TRPM6: variants seen among roughly 807,000 people sequenced by gnomAD.
TRPM6 encodes the protein transient receptor potential cation channel subfamily M member 6.
TRPM6 carries 111 observed loss-of-function variants against 247.6 expected under a neutral mutation model. That is an observed-to-expected ratio of 0.45 (90% CI 0.38 to 0.52). The LOEUF (loss-of-function observed/expected upper bound fraction) is 0.52. TRPM6 is among the 20% of genes least tolerant of loss of function. The pLI, the probability that TRPM6 is intolerant of heterozygous loss-of-function variation, is 0.00. For missense variants in TRPM6, 2,126 were observed against 2,421.5 expected, an observed-to-expected ratio of 0.88 and a Z score of 2.56; for synonymous variants, 892 against 853.8, an observed-to-expected ratio of 1.04 and a Z score of -0.78.
intron 6 of TRPM6, among the ~76,000 whole-genome samples, chr9:74,829,645 G>A (rs1375501179): frequency 2.6e-5 from 4 of 152,096 alleles, no homozygotes; most frequent in Non-Finnish European, 5.9e-5. Context: ...TAAACATTAG[G>A]CTTTAAATGT....
intron 1 of TRPM6, among the ~76,000 whole-genome samples, chr9:74,859,905 A>G (rs1169970323): frequency 1.3e-5 from 2 of 152,188 alleles, no homozygotes; most frequent in African/African-American, 4.8e-5. Context: ...CACCTCACTC[A>G]TATCTACTCC....
intron 37 of TRPM6, among the ~76,000 whole-genome samples, chr9:74,730,573 T>C (rs1475241002): frequency 6.6e-6 from 1 of 152,180 alleles, no homozygotes; most frequent in Non-Finnish European, 1.5e-5. Flanking sequence ...AATCAGTGCT[T>C]CCCAAACTTT....
At chr9:74,743,264 A>C in intron 32 of TRPM6, among the ~76,000 whole-genome samples, 1 of 152,212 alleles carries the variant, frequency 6.6e-6, no homozygotes, top group East Asian at 1.9e-4. Flanking sequence ...AACTCTATTC[A>C]CTACAAAGGA....
intron 28 of TRPM6, among the ~76,000 whole-genome samples, chr9:74,753,322 A>C (rs1035597048): frequency 1.3e-5 from 2 of 152,124 alleles, no homozygotes; most frequent in African/African-American, 2.4e-5. Flanking sequence ...GTCCTGACTA[A>C]AAATAGGAGA....
intron 30 of TRPM6, among the ~76,000 whole-genome samples, chr9:74,749,195 G>A (rs1299900206): frequency 6.6e-6 from 1 of 152,072 alleles, no homozygotes; most frequent in African/African-American, 2.4e-5. Flanking sequence ...ATCACCTAAT[G>A]ACACATTTCT....
At chr9:74,757,253 G>T (rs757344792) in intron 27 of TRPM6, among the ~76,000 whole-genome samples, 8 of 151,720 alleles carry the variant, frequency 5.3e-5, no homozygotes, top group South Asian at 2.1e-4. Context: ...TAGAACAAAA[G>T]AAATAATAAA....
chr9:74,852,560 C>T (rs1210438756), intron 3 of TRPM6, among the ~76,000 whole-genome samples: 1 of 152,086 alleles, frequency 6.6e-6, no homozygotes, highest in African/African-American at 2.4e-5. Flanking sequence ...CGGACTGTGC[C>T]GCCACCATCT....
At chr9:74,813,164 C>T (rs1292530360) in intron 11 of TRPM6, among the ~76,000 whole-genome samples, 1 of 152,182 alleles carries the variant, frequency 6.6e-6, no homozygotes, top group African/African-American at 2.4e-5. Context: ...TGAACATGCT[C>T]ATCTAATTTT....
chr9:74,839,399 A>G (rs1829838425), intron 5 of TRPM6, among the ~76,000 whole-genome samples: 1 of 152,152 alleles, frequency 6.6e-6, no homozygotes, highest in African/African-American at 2.4e-5. Flanking sequence ...AGAGTCAGTG[A>G]TTGAGACGGT....
rs1825218132 is a variant in TRPM6 at position 74,723,815 on chromosome 9, TATATATATATAAA to T, written c.*785_*797del. On this transcript the variant is annotated 3_prime_UTR_variant, in exon 39 of 39. Transcript: ENST00000360774. The stretch of plus-strand genomic sequence containing the variant: ...TCCATCTCAAAAATAAAAATATATA[TATATATATATAAA>T]ATATATATATTCCATATGTATTTTA... 1 of 143,654 alleles carries T rather than the reference TATATATATATAAA, an allele frequency of 7.0e-6. No homozygotes were observed. The highest frequency in any genetic ancestry group is 2.1e-4 in the South Asian group (1 of 4,712). 8.9% of individuals were successfully genotyped at this position (143,654 alleles called of 1,614,324 possible). A position where few individuals can be genotyped will look rare whatever the true frequency, so the allele number is the denominator to read the frequency against.
At chr9:74,877,845 C>T (rs1831239610) in intron 1 of TRPM6, among the ~76,000 whole-genome samples, 1 of 152,196 alleles carries the variant, frequency 6.6e-6, no homozygotes, top group Non-Finnish European at 1.5e-5. Context: ...GCCGCTGCCA[C>T]TCCAACTCAG....
intron 3 of TRPM6, among the ~76,000 whole-genome samples, chr9:74,851,892 G>C (rs576468776): frequency 6.6e-6 from 1 of 151,482 alleles, no homozygotes; most frequent in Non-Finnish European, 1.5e-5. Flanking sequence ...TTGGGAGGCC[G>C]AGGCAGGAGG....
chr9:74,860,847 G>A (rs1830672037), intron 1 of TRPM6, among the ~76,000 whole-genome samples: 1 of 152,078 alleles, frequency 6.6e-6, no homozygotes, highest in Non-Finnish European at 1.5e-5. Context: ...GTGAAACCCT[G>A]TCTCTACAAA....
intron 1 of TRPM6, among the ~76,000 whole-genome samples, chr9:74,869,005 A>C (rs1830940616): frequency 6.6e-6 from 1 of 152,252 alleles, no homozygotes; most frequent in Non-Finnish European, 1.5e-5. Context: ...AAATGTTTGC[A>C]TCATTATCAA....
chr9:74,808,284 T>C, intron 13 of TRPM6, 110 bp from the exon 14 acceptor site: 4 of 1,303,162 alleles, frequency 3.1e-6, no homozygotes, highest in Non-Finnish European at 4.4e-6. Flanking sequence ...GACATACCTT[T>C]TAAATATCTT....
intron 1 of TRPM6, chr9:74,887,295 C>G: frequency 3.7e-6 from 5 of 1,364,356 alleles, no homozygotes; most frequent in South Asian, 4.1e-5. Flanking sequence ...CGGGGACGCG[C>G]AGGGGCGCGG....
chr9:74,819,836 G>A (rs948328350), intron 9 of TRPM6, among the ~76,000 whole-genome samples: 1 of 152,112 alleles, frequency 6.6e-6, no homozygotes, highest in African/African-American at 2.4e-5. Context: ...GTTATACTAA[G>A]TGCTTTTTCT....
chr9:74,841,333 A>G (rs778316434), intron 4 of TRPM6, among the ~76,000 whole-genome samples: 1 of 152,202 alleles, frequency 6.6e-6, no homozygotes, highest in Non-Finnish European at 1.5e-5. Flanking sequence ...ACTTACACGA[A>G]CCAACAGCAA....
intron 3 of TRPM6, among the ~76,000 whole-genome samples, chr9:74,844,070 TGA>T (rs1157361309): frequency 6.6e-6 from 1 of 152,202 alleles, no homozygotes; most frequent in African/African-American, 2.4e-5. Context: ...ACAAATGTAC[TGA>T]GATTCAGGCT....
Sources: allele counts gnomAD v4.1 joint callset (sites outside exome capture counted in the v4.1 genomes callset), GRCh38; gene constraint gnomAD v4.1.1; transcripts MANE v1.5; gene names NCBI Gene and HGNC (gene_info 2026-07-23, HGNC 2026-07-21).